Variants in OR51C1 observed in about 807,000 individuals in gnomAD.
OR51C1 encodes the protein olfactory receptor family 51 subfamily C member 1, also known as olfactory receptor OR51C1.
At chr11:4,693,635 G>A in the OR51C1 span, among the ~76,000 whole-genome samples, 3 of 152,104 alleles carry the variant, frequency 2.0e-5, no homozygotes, top group African/African-American at 7.2e-5. Flanking sequence ...GCAGGAGAAT[G>A]GAGTGAACCT....
the OR51C1 span, among the ~76,000 whole-genome samples, chr11:4,694,531 C>T: frequency 0.8 from 117,142 of 147,036 alleles, 47,014 homozygotes; most frequent in South Asian, 0.91. Flanking sequence ...TACACACACA[C>T]ATATATACGT....
the OR51C1 span, among the ~76,000 whole-genome samples, chr11:4,694,523 C>CGTGTATATATATATAT: frequency 2.1e-5 from 3 of 141,778 alleles, no homozygotes; most frequent in Non-Finnish European, 4.6e-5. Context: ...TATATATATA[C>CGTGTATATATATATAT]ACACACACAT....
At chr11:4,696,456 A>C in the OR51C1 span, among the ~76,000 whole-genome samples, 1 of 152,202 alleles carries the variant, frequency 6.6e-6, no homozygotes, top group Non-Finnish European at 1.5e-5. Flanking sequence ...TGAAATGTAA[A>C]AGATGAGAAC....
chr11:4,694,875 C>T, the OR51C1 span, among the ~76,000 whole-genome samples: 3 of 152,106 alleles, frequency 2.0e-5, no homozygotes, highest in Admixed American at 6.5e-5. Context: ...AGAATGTTAA[C>T]AGAATGTATG....
chr11:4,695,558 T>C, the OR51C1 span, among the ~76,000 whole-genome samples: 1 of 152,210 alleles, frequency 6.6e-6, no homozygotes, highest in African/African-American at 2.4e-5. Flanking sequence ...AGTCTGCTTT[T>C]GTTTATTATT....
chr11:4,692,003 C>A, the OR51C1 span, among the ~76,000 whole-genome samples: 1 of 152,148 alleles, frequency 6.6e-6, no homozygotes, highest in East Asian at 1.9e-4. Context: ...CCATAGATAA[C>A]CAAACTAAGA....
the OR51C1 span, chr11:4,692,116 C>G: frequency 2.3e-6 from 1 of 442,770 alleles, no homozygotes; most frequent in African/African-American, 2.0e-5. Flanking sequence ...TGGTTGGCAC[C>G]AGAGAAAAAT....
At chr11:4,694,266 T>C in the OR51C1 span, among the ~76,000 whole-genome samples, 1 of 152,000 alleles carries the variant, frequency 6.6e-6, no homozygotes, top group Non-Finnish European at 1.5e-5. Flanking sequence ...ATAGTGTATA[T>C]ATTTTGACCT....
At chr11:4,692,872 G>GGGTGT in the OR51C1 span, among the ~76,000 whole-genome samples, 1 of 151,472 alleles carries the variant, frequency 6.6e-6, no homozygotes, top group East Asian at 1.9e-4. Context: ...GGGGGGGTGG[G>GGGTGT]GGTGTGATTT....
At chr11:4,691,563 A>G in the OR51C1 span, 1 of 456,990 alleles carries the variant, frequency 2.2e-6, no homozygotes, top group Non-Finnish European at 4.4e-6. Context: ...AGCGAAGAGG[A>G]TCAGGCTGTT....
the OR51C1 span, among the ~76,000 whole-genome samples, chr11:4,693,537 T>C: frequency 9.9e-5 from 15 of 152,136 alleles, no homozygotes; most frequent in South Asian, 8.3e-4. Context: ...CTGGCTAACA[T>C]GGTGAAACCT....
At chr11:4,691,099 GC>G in the OR51C1 span, 1 of 456,754 alleles carries the variant, frequency 2.2e-6, no homozygotes, top group Non-Finnish European at 4.4e-6. Context: ...ATGGCAGTCA[GC>G]CCAACTGCAC....
the OR51C1 span, chr11:4,691,396 T>C: frequency 1.3e-5 from 6 of 457,770 alleles, no homozygotes; most frequent in African/African-American, 8.0e-5. Context: ...ATAAAGAACA[T>C]GTGGGACAAG....
At chr11:4,694,337 A>C in the OR51C1 span, among the ~76,000 whole-genome samples, 2 of 151,898 alleles carry the variant, frequency 1.3e-5, no homozygotes, top group African/African-American at 2.4e-5. Flanking sequence ...CTTTACAAGC[A>C]TATCTTCCTG....
chr11:4,690,739 G>T, the OR51C1 span: 1 of 386,696 alleles, frequency 2.6e-6, no homozygotes, highest in Non-Finnish European at 5.1e-6. Context: ...GGTCCATCTA[G>T]TGCTAGAATT....
chr11:4,696,256 TTC>T, the OR51C1 span, among the ~76,000 whole-genome samples: 1 of 152,130 alleles, frequency 6.6e-6, no homozygotes, highest in African/African-American at 2.4e-5. Flanking sequence ...ATGGAACTCA[TTC>T]TCTCGTCCCC....
At chr11:4,690,949 T>C in the OR51C1 span, 5 of 454,452 alleles carry the variant, frequency 1.1e-5, no homozygotes, top group South Asian at 7.8e-5. Flanking sequence ...ATGTAATATA[T>C]AGCAAAAGCC....
the OR51C1 span, among the ~76,000 whole-genome samples, chr11:4,697,148 T>C: frequency 2.0e-5 from 3 of 152,332 alleles, no homozygotes; most frequent in African/African-American, 7.2e-5. Flanking sequence ...TGAAATCACA[T>C]ACAACTGGTG....
the OR51C1 span, among the ~76,000 whole-genome samples, chr11:4,693,631 G>C: frequency 6.6e-6 from 1 of 152,164 alleles, no homozygotes; most frequent in Non-Finnish European, 1.5e-5. Flanking sequence ...TGAGGCAGGA[G>C]AATGGAGTGA....
Sources: gnomAD v4.1 joint callset for allele counts (sites outside exome capture counted in the v4.1 genomes callset) on GRCh38, gnomAD v4.1.1 for gene constraint, MANE v1.5 for transcripts, NCBI Gene and HGNC (gene_info 2026-07-23, HGNC 2026-07-21) for gene names.